The following MAP2K4 variants were observed in gnomAD, a reference collection of about 807,000 sequenced individuals.
MAP2K4 encodes the protein dual specificity mitogen-activated protein kinase kinase 4.
A neutral mutation model predicts 48.5 loss-of-function variants in MAP2K4; 4 were observed. That is an observed-to-expected ratio of 0.08 (90% CI 0.04 to 0.19). The LOEUF is 0.19. Ranked by LOEUF, MAP2K4 falls within the 10% of genes least tolerant of loss-of-function variation. The probability of loss-of-function intolerance (pLI) is 1.00; values close to 1 mark genes in which losing one functional copy is unlikely to be tolerated. For synonymous variants in MAP2K4, 166 were observed against 173.1 expected (o/e 0.96, Z 0.32); for missense variants, 258 against 493.3 (o/e 0.52, Z 4.52).
At chr17:12,053,038 C>A (rs896251652) in intron 1 of MAP2K4, among the ~76,000 whole-genome samples, 3 of 152,092 alleles carry the variant, frequency 2.0e-5, no homozygotes, top group Non-Finnish European at 4.4e-5. Flanking sequence ...TTATGAAAAT[C>A]ATTTAAATCA....
chr17:12,096,913 T>C (rs1239391797), intron 4 of MAP2K4, among the ~76,000 whole-genome samples: 1 of 152,156 alleles, frequency 6.6e-6, no homozygotes, highest in Non-Finnish European at 1.5e-5. Context: ...TCTCAACTCG[T>C]AGTTTTTTTC....
At chr17:12,036,651 T>A (rs1230641767) in intron 1 of MAP2K4, 1 of 152,032 alleles carries the variant, frequency 6.6e-6, no homozygotes, top group African/African-American at 2.4e-5. Context: ...AGAAACACAG[T>A]TTTTAAGAAA....
intron 3 of MAP2K4, among the ~76,000 whole-genome samples, chr17:12,093,163 A>G (rs1971618236): frequency 6.6e-6 from 1 of 151,718 alleles, no homozygotes; most frequent in Non-Finnish European, 1.5e-5. Flanking sequence ...TGAAAAGCAC[A>G]ATCAATTTCA....
chr17:12,132,051 C>G (rs1311399725), intron 9 of MAP2K4, among the ~76,000 whole-genome samples: 1 of 152,092 alleles, frequency 6.6e-6, no homozygotes, highest in Non-Finnish European at 1.5e-5. Flanking sequence ...CTATAATTAC[C>G]AGAATGACCA....
chr17:12,026,397 G>T (rs995324363), intron 1 of MAP2K4, among the ~76,000 whole-genome samples: 3 of 152,096 alleles, frequency 2.0e-5, no homozygotes, highest in Non-Finnish European at 2.9e-5. Flanking sequence ...CTCCTTTGTA[G>T]TCTCTAGGAA....
chr17:12,080,304 C>T lies in MAP2K4; in HGVS notation c.219-1052C>T, dbSNP rs1971148916. ...ATCAGAGTTTAAAAGAGATCCTGAT[C>T]ATTTAGTATGAAACTGAAAAATGTA... is the stretch of plus-strand genomic sequence containing the variant. On this transcript the variant is annotated intron_variant, in intron 2 of 10. Coordinates refer to ENST00000353533, the MANE Select transcript of MAP2K4 (RefSeq NM_003010.4). Among the ~76,000 whole-genome samples the T allele has an allele frequency of 2.0e-5, 3 of 152,230 alleles. No homozygotes were observed. The South Asian group carries it at 6.2e-4, about 32-fold the overall frequency.
intron 3 of MAP2K4, among the ~76,000 whole-genome samples, chr17:12,090,914 G>A (rs569573748): frequency 1.1e-4 from 16 of 152,176 alleles, no homozygotes; most frequent in African/African-American, 3.6e-4. Context: ...ATGTGTCATA[G>A]TCTGCTTTAA....
At chr17:12,118,686 G>A (rs1972579045) in intron 7 of MAP2K4, among the ~76,000 whole-genome samples, 1 of 152,204 alleles carries the variant, frequency 6.6e-6, no homozygotes, top group Admixed American at 6.5e-5. Context: ...TCAGTGAAGG[G>A]TAAATATAAA....
intron 2 of MAP2K4, among the ~76,000 whole-genome samples, chr17:12,079,419 A>T (rs933048841): frequency 6.6e-6 from 1 of 152,182 alleles, no homozygotes; most frequent in Non-Finnish European, 1.5e-5. Context: ...TTATATAGCA[A>T]TGTAGTCATG....
intron 3 of MAP2K4, among the ~76,000 whole-genome samples, chr17:12,084,144 T>C (rs142463511): frequency 6.6e-6 from 1 of 152,300 alleles, no homozygotes; most frequent in African/African-American, 2.4e-5. Flanking sequence ...TATTTTGCCA[T>C]ATATAAGAAA....
At chr17:12,109,075 TG>T (rs1221079538) in intron 5 of MAP2K4, among the ~76,000 whole-genome samples, 13 of 152,282 alleles carry the variant, frequency 8.5e-5, no homozygotes, top group African/African-American at 2.9e-4. Flanking sequence ...AGTAACTCTC[TG>T]TGGTAAATAG....
chr17:12,060,923 T>C (rs1347330366), intron 2 of MAP2K4, among the ~76,000 whole-genome samples: 17 of 152,180 alleles, frequency 1.1e-4, no homozygotes, highest in Non-Finnish European at 2.5e-4. Flanking sequence ...TCTAGAACTT[T>C]TTCATCTTCT....
At chr17:12,097,759 C>A (rs17614475) in intron 4 of MAP2K4, among the ~76,000 whole-genome samples, 1,841 of 152,308 alleles carry the variant, frequency 0.012, 15 homozygotes, top group Non-Finnish European at 0.021. Context: ...ACACAGCCAA[C>A]AAGTAGCAGA....
At chr17:12,084,552 G>A (rs1220809029) in intron 3 of MAP2K4, among the ~76,000 whole-genome samples, 1 of 152,192 alleles carries the variant, frequency 6.6e-6, no homozygotes, top group East Asian at 1.9e-4. Context: ...ACTGTGATCA[G>A]TATCCTTTAC....
At chr17:12,105,376 C>T (rs7208766) in intron 4 of MAP2K4, among the ~76,000 whole-genome samples, 1,574 of 152,116 alleles carry the variant, frequency 0.01, 34 homozygotes, top group African/African-American at 0.036. Flanking sequence ...AAGGTTCTGC[C>T]TATTTTATTA....
intron 7 of MAP2K4, among the ~76,000 whole-genome samples, chr17:12,120,475 A>G (rs1388759774): frequency 1.3e-5 from 2 of 152,054 alleles, no homozygotes; most frequent in African/African-American, 4.8e-5. Flanking sequence ...ACATATATAT[A>G]AATAAAAAGG....
intron 1 of MAP2K4, among the ~76,000 whole-genome samples, chr17:12,047,113 G>A (rs1969990760): frequency 6.6e-6 from 1 of 151,992 alleles, no homozygotes; most frequent in Admixed American, 6.5e-5. Context: ...CCAAGAAAAG[G>A]ACTATGAATC....
At chr17:12,064,021 G>GGGGGA (rs546253377) in intron 2 of MAP2K4, among the ~76,000 whole-genome samples, 2 of 93,566 alleles carry the variant, frequency 2.1e-5, no homozygotes, top group African/African-American at 8.3e-5. Flanking sequence ...GGGAAGGGGG[G>GGGGGA]GAGAGAGAGA....
At chr17:12,039,383 A>T (rs1049840651) in intron 1 of MAP2K4, among the ~76,000 whole-genome samples, 2 of 152,204 alleles carry the variant, frequency 1.3e-5, no homozygotes, top group African/African-American at 4.8e-5. Flanking sequence ...TAATTTTTGA[A>T]AACTTTTAAT....
Sources: allele counts gnomAD v4.1 joint callset (sites outside exome capture counted in the v4.1 genomes callset), GRCh38; gene constraint gnomAD v4.1.1; transcripts MANE v1.5; gene names NCBI Gene and HGNC (gene_info 2026-07-23, HGNC 2026-07-21).